The following MEF2A variants were observed in gnomAD, a reference collection of about 807,000 sequenced individuals.
MEF2A encodes myocyte enhancer factor 2A, also known as myocyte-specific enhancer factor 2A.
MEF2A carries 28 observed loss-of-function variants against 55.8 expected under a neutral mutation model. The observed-to-expected ratio is 0.50, with a 90% confidence interval of 0.37 to 0.69. MEF2A has a LOEUF of 0.69. MEF2A is among the 30% of genes least tolerant of loss of function. MEF2A has a pLI of 0.00. For missense variants in MEF2A, 528 were observed against 626.2 expected (o/e 0.84, Z 1.67); for synonymous variants, 239 against 227.1 (o/e 1.05, Z -0.47).
At chr15:99,692,440 A>C (rs1328990660) in intron 8 of MEF2A, among the ~76,000 whole-genome samples, 1 of 152,188 alleles carries the variant, frequency 6.6e-6, no homozygotes, top group Non-Finnish European at 1.5e-5. Context: ...TATAGTGCTG[A>C]GATTTCACGG....
At position 99,633,112 on chromosome 15, in the gene MEF2A, G is replaced by T; in HGVS notation, c.-8G>T. On this transcript the variant is annotated 5_prime_UTR_variant, in exon 3 of 12. Transcript: ENST00000557942. Reference sequence around the variant, plus strand: ...GGAATATAAGGAAATAAGGAAAGTTGACTGAAAATGGGGCGGAAGAAAATA... The same window carrying T: ...GGAATATAAGGAAATAAGGAAAGTTTACTGAAAATGGGGCGGAAGAAAATA... 1 of 1,600,178 alleles carries T rather than the reference G, an allele frequency of 6.2e-7. No individual in the cohort carries two copies. Among genetic ancestry groups the T allele is most frequent in the South Asian group, 1.1e-5 (1 of 88,298 alleles).
intron 7 of MEF2A, among the ~76,000 whole-genome samples, chr15:99,679,120 C>T (rs2052700684): frequency 6.6e-6 from 1 of 152,200 alleles, no homozygotes; most frequent in African/African-American, 2.4e-5. Flanking sequence ...AGCACAAACT[C>T]ATACACTGGT....
At chr15:99,667,646 T>C (rs1355600552) in intron 4 of MEF2A, among the ~76,000 whole-genome samples, 3 of 152,076 alleles carry the variant, frequency 2.0e-5, no homozygotes, top group African/African-American at 7.2e-5. Context: ...CAGACAAATG[T>C]ATAAGCCCAC....
intron 2 of MEF2A, among the ~76,000 whole-genome samples, chr15:99,609,598 A>ATTATTT: frequency 6.6e-6 from 1 of 152,194 alleles, no homozygotes; most frequent in East Asian, 1.9e-4. Context: ...TACCTTAGTC[A>ATTATTT]TTTTCCATAA....
intron 11 of MEF2A, among the ~76,000 whole-genome samples, chr15:99,711,508 T>C (rs928049036): frequency 1.3e-5 from 2 of 152,118 alleles, no homozygotes; most frequent in African/African-American, 4.8e-5. Flanking sequence ...AGCAGACCCA[T>C]GGAGCAGTTG....
chr15:99,686,806 T>C (rs546811249), intron 7 of MEF2A, among the ~76,000 whole-genome samples: 1 of 152,226 alleles, frequency 6.6e-6, no homozygotes, highest in Admixed American at 6.5e-5. Context: ...TTCTCAAATA[T>C]GTTTTCCAGA....
chr15:99,667,183 G>A (rs1024267927), intron 4 of MEF2A, among the ~76,000 whole-genome samples: 17 of 152,220 alleles, frequency 1.1e-4, no homozygotes, highest in Non-Finnish European at 2.2e-4. Context: ...ACACTCGTAA[G>A]TGGTAAAATA....
chr15:99,667,882 G>A (rs1026091123), intron 4 of MEF2A, among the ~76,000 whole-genome samples: 3 of 152,152 alleles, frequency 2.0e-5, no homozygotes, highest in African/African-American at 4.8e-5. Flanking sequence ...CTTGGCATGT[G>A]CTCTAAACAA....
Position 99,715,608 on chromosome 15 carries a change from G to A in MEF2A, c.*2837G>A, listed in dbSNP as rs2059072665. 1 of 152,222 alleles carries A rather than the reference G, an allele frequency of 6.6e-6. No individual in the cohort carries two copies. The highest frequency in any genetic ancestry group is 2.1e-4 in the South Asian group (1 of 4,830). 9.4% of individuals were successfully genotyped at this position (152,222 alleles called of 1,614,324 possible). On this transcript the variant is annotated 3_prime_UTR_variant, in exon 12 of 12. Transcript: ENST00000557942. ...ATCTCTGGGTGGAAACCAGCCTAGA[G>A]AGGGGACGACGCTAATGGTGTTGCT...
intron 4 of MEF2A, among the ~76,000 whole-genome samples, chr15:99,655,813 A>G (rs2047614596): frequency 6.6e-6 from 1 of 152,056 alleles, no homozygotes; most frequent in Non-Finnish European, 1.5e-5. Context: ...ATATTATTAT[A>G]GAGAGAGAGA....
intron 4 of MEF2A, among the ~76,000 whole-genome samples, chr15:99,656,544 A>G (rs1376560238): frequency 6.6e-6 from 1 of 152,070 alleles, no homozygotes; most frequent in Non-Finnish European, 1.5e-5. Flanking sequence ...TTGAATTAGG[A>G]TGGGCTAGTG....
At chr15:99,619,237 A>G (rs1275438719) in intron 2 of MEF2A, among the ~76,000 whole-genome samples, 1 of 152,208 alleles carries the variant, frequency 6.6e-6, no homozygotes, top group Middle Eastern at 3.2e-3. Flanking sequence ...CTGGATCTAC[A>G]GTCCCTGGGC....
At chr15:99,567,645 G>GTA (rs1025506915) in intron 1 of MEF2A, among the ~76,000 whole-genome samples, 1 of 151,726 alleles carries the variant, frequency 6.6e-6, no homozygotes, top group Admixed American at 6.6e-5. Context: ...GTGTGTGTGT[G>GTA]TGTGTGTGTG....
At chr15:99,691,815 A>G (rs534249049) in intron 8 of MEF2A, among the ~76,000 whole-genome samples, 1 of 152,344 alleles carries the variant, frequency 6.6e-6, no homozygotes, top group African/African-American at 2.4e-5. Flanking sequence ...TCCTTCTCAA[A>G]TAACCTATTT....
Position 99,715,609 on chromosome 15 carries a change from A to T in MEF2A, c.*2838A>T, listed in dbSNP as rs325381. On this transcript the variant is annotated 3_prime_UTR_variant, in exon 12 of 12. Coordinates refer to ENST00000557942, the MANE Select transcript of MEF2A (RefSeq NM_001319206.4). ...TCTCTGGGTGGAAACCAGCCTAGAGAGGGGACGACGCTAATGGTGTTGCTT... is the reference window on the plus strand; with the variant it reads ...TCTCTGGGTGGAAACCAGCCTAGAGTGGGGACGACGCTAATGGTGTTGCTT... 0.8 allele frequency: 122,004 copies of T among 152,158 alleles called. 49,634 individuals carry two copies. The highest frequency in any genetic ancestry group is 0.94 in the Middle Eastern group (277 of 294). The allele number at this position is 152,158 out of a possible 1,614,324, so 9.4% of individuals were successfully genotyped here.
chr15:99,592,378 A>G (rs577213253), intron 1 of MEF2A, among the ~76,000 whole-genome samples: 7 of 152,216 alleles, frequency 4.6e-5, no homozygotes, highest in African/African-American at 1.7e-4. Context: ...ATGAAAAACT[A>G]TAGAGCTGTG....
At chr15:99,695,737 T>C (rs1255408814) in intron 8 of MEF2A, among the ~76,000 whole-genome samples, 1 of 151,554 alleles carries the variant, frequency 6.6e-6, no homozygotes, top group Non-Finnish European at 1.5e-5. Context: ...CACACGTCTG[T>C]AATCCCAGCT....
At chr15:99,623,859 G>A (rs1354189226) in intron 2 of MEF2A, among the ~76,000 whole-genome samples, 1 of 151,064 alleles carries the variant, frequency 6.6e-6, no homozygotes, top group East Asian at 1.9e-4. Context: ...CCAGGCTGGA[G>A]TGCAATGGTG....
At chr15:99,696,983 A>C (rs1259269213) in intron 8 of MEF2A, among the ~76,000 whole-genome samples, 1 of 152,166 alleles carries the variant, frequency 6.6e-6, no homozygotes, top group African/African-American at 2.4e-5. Flanking sequence ...CCAGGAATGC[A>C]AGGCTGAGTC....
Sources: allele counts gnomAD v4.1 joint callset (sites outside exome capture counted in the v4.1 genomes callset), GRCh38; gene constraint gnomAD v4.1.1; transcripts MANE v1.5; gene names NCBI Gene and HGNC (gene_info 2026-07-23, HGNC 2026-07-21).